Variants in CBLN4 observed in about 807,000 individuals in gnomAD.
CBLN4 encodes the protein cerebellin 4 precursor.
CBLN4 carries 7 observed loss-of-function variants against 14.9 expected under a neutral mutation model. The observed-to-expected ratio is 0.47, with a 90% CI of 0.27 to 0.88. CBLN4 has a LOEUF of 0.88. CBLN4 is among the 40% of genes least tolerant of loss of function. The pLI, the probability that CBLN4 is intolerant of heterozygous loss-of-function variation, is 0.14. For synonymous variants in CBLN4, 131 were observed against 116.5 expected (o/e 1.12, Z -0.80); for missense variants, 188 against 256.8 (o/e 0.73, Z 1.83).
intron 1 of CBLN4, 137 bp downstream of exon 1, chr20:56,003,744 G>A (rs1366318510): frequency 4.6e-6 from 4 of 875,406 alleles, no homozygotes; most frequent in Non-Finnish European, 5.2e-6. Flanking sequence ...TTCAGACCCA[G>A]GCATATTTGG....
At chr20:55,999,120 C>T (rs559683399) in intron 2 of CBLN4, among the ~76,000 whole-genome samples, 72 of 152,242 alleles carry the variant, frequency 4.7e-4, no homozygotes, top group African/African-American at 1.6e-3. Context: ...TGTGGCTTCC[C>T]GGTACATTCG....
chr20:56,000,915 T>A (rs1462865706), intron 1 of CBLN4, 68 bp from the exon 2 acceptor site: 3 of 691,458 alleles, frequency 4.3e-6, no homozygotes, highest in Admixed American at 3.2e-5. Flanking sequence ...TGAATTTTCT[T>A]CCTCTCACTC....
rs1388374832 is a variant in CBLN4, at chr20:56,004,783, C to A, written c.-612G>T. ...CGCCTGGTCAAAAAAATCCCCCAAA[C>A]CTGGTGTCACCCAGAGGTAGGGAGG... is the stretch of plus-strand genomic sequence containing the variant. On this transcript the variant is annotated 5_prime_UTR_variant, in exon 1 of 3. Transcript: ENST00000064571. This position sits in a 1 kb window ranked among gnomAD's most constrained non-coding sequence, Gnocchi z 6.1. The A allele has an allele frequency of 6.6e-6, 1 of 152,458 alleles. No individual in the cohort carries two copies. The highest frequency in any genetic ancestry group is 2.4e-5 in the African/African-American group (1 of 41,470). 9.4% of individuals were successfully genotyped at this position (152,458 alleles called of 1,614,324 possible).
chr20:56,003,623 G>C (rs950476941), intron 1 of CBLN4, among the ~76,000 whole-genome samples: 1 of 152,148 alleles, frequency 6.6e-6, no homozygotes, highest in South Asian at 2.1e-4. Context: ...CTCGCTGCCG[G>C]GCTCTGGGCT....
In CBLN4 at chr20:56,001,864, A is replaced by T. The variant is rs568601493; in HGVS notation, c.292-1017T>A. ...GGGTAAGTCTCTTTCTATGAGAAAG[A>T]GGGATTGGGATGGAGGATGGATGTT... On this transcript the variant is annotated intron_variant, in intron 1 of 2. Coordinates refer to ENST00000064571, the MANE Select transcript of CBLN4 (RefSeq NM_080617.6). 2.6e-5 allele frequency among the ~76,000 whole-genome samples: 4 copies of T among 152,300 alleles called. No individual in the cohort carries two copies. In the South Asian group the frequency reaches 8.3e-4, roughly 32 times the overall value.
Position 56,000,758 on chromosome 20 carries a change from A to G in CBLN4, c.381T>C (p.Ile127=). 1.9e-6 allele frequency: 3 copies of G among 1,599,472 alleles called. No homozygotes were observed. The highest frequency in any genetic ancestry group is 2.6e-6 in the Non-Finnish European group (3 of 1,173,150). ...KGIYSFSFHV[I]KVYQSQTIQV... ...GGATAGTTTGGCTCTGGTAGACTTT[A>G]ATCACGTGAAAACTGAAACTGTAAA... is the stretch of plus-strand genomic sequence containing the variant. The change falls in exon 2 of 3, where the codon ATT becomes ATC. Residue 127 remains isoleucine, a synonymous_variant. Transcript: ENST00000064571.
rs2145960724 is a variant in CBLN4 at position 56,004,199 on chromosome 20, G to T, written c.-28C>A. 1.4e-6 allele frequency: 2 copies of T among 1,394,078 alleles called. No homozygotes were observed. The highest frequency in any genetic ancestry group is 6.7e-5 in the Admixed American group (2 of 29,902). 86.4% of individuals were successfully genotyped at this position (1,394,078 alleles called of 1,614,324 possible). A position where few individuals can be genotyped will look rare whatever the true frequency, so the allele number is the denominator to read the frequency against. On this transcript the variant is annotated 5_prime_UTR_variant, in exon 1 of 3. Coordinates refer to ENST00000064571, the MANE Select transcript of CBLN4 (RefSeq NM_080617.6). This position sits in a 1 kb window ranked among gnomAD's most constrained non-coding sequence, Gnocchi z 6.1. ...TGAGCCGTGTGGGCAGCCGCAGCCG[G>T]CTGGCGCTGGTGCTCGCCCGCGTCG...
chr20:55,997,699 GA>G lies in CBLN4; in HGVS notation c.*857del, dbSNP rs11439533. Reference sequence around the variant, plus strand: ...AGTTAATAAAGTGGTCATGTCTACGGAAAAAAAAAAAACCTTAGGTTTTTAA... The same window carrying G: ...AGTTAATAAAGTGGTCATGTCTACGGAAAAAAAAAAACCTTAGGTTTTTAA... On this transcript the variant is annotated 3_prime_UTR_variant, in exon 3 of 3. Coordinates refer to ENST00000064571, the MANE Select transcript of CBLN4 (RefSeq NM_080617.6). The G allele has an allele frequency of 5.2e-3, 744 of 143,340 alleles. 6 individuals are homozygous for G. The highest frequency in any genetic ancestry group is 0.011 in the East Asian group (52 of 4,898). The allele number at this position is 143,340 out of a possible 1,614,324, so 8.9% of individuals were successfully genotyped here.
rs1361425308 is a variant in CBLN4, at chr20:56,005,510, G to C, written c.-1339C>G. ...GGCCTGGCGAGCTCAGGGAAGCCTT[G>C]GGGCGGACCAGAGCCCGTGGGGGCG... On this transcript the variant is annotated 5_prime_UTR_variant, in exon 1 of 3. Transcript: ENST00000064571. The C allele has an allele frequency of 6.6e-6, 1 of 152,280 alleles. No individual in the cohort carries two copies. The highest frequency in any genetic ancestry group is 1.5e-5 in the Non-Finnish European group (1 of 68,124). The allele number at this position is 152,280 out of a possible 1,614,324, so 9.4% of individuals were successfully genotyped here. A position where few individuals can be genotyped will look rare whatever the true frequency, so the allele number is the denominator to read the frequency against.
Position 56,003,861 on chromosome 20 carries a change from C to A in CBLN4, c.291+20G>T. ...GGAGACCGCCCACCCCCTAGGTGCTCGCTTCCCCCCGGGTCTGACCTGATC... is the reference window on the plus strand; with the variant it reads ...GGAGACCGCCCACCCCCTAGGTGCTAGCTTCCCCCCGGGTCTGACCTGATC... On this transcript the variant is annotated intron_variant, in intron 1 of 2. Transcript: ENST00000064571. The A allele has an allele frequency of 2.5e-6, 4 of 1,575,792 alleles. No homozygotes were observed. The highest frequency in any genetic ancestry group is 1.2e-5 in the South Asian group (1 of 84,566).
rs1986312510 is a variant in CBLN4, at chr20:55,998,200, A to C, written c.*357T>G. ...TGAAGTCAGAACTTTAGAGTTTTCT[A>C]ATCCTTAGACCTGGTTGCCAGTCTT... On this transcript the variant is annotated 3_prime_UTR_variant, in exon 3 of 3. Coordinates refer to ENST00000064571, the MANE Select transcript of CBLN4 (RefSeq NM_080617.6). 2 of 236,652 alleles carry C rather than the reference A, an allele frequency of 8.5e-6. No homozygotes were observed. The highest frequency in any genetic ancestry group is 1.0e-4 in the Admixed American group (2 of 19,468). The allele number at this position is 236,652 out of a possible 1,614,324, so 14.7% of individuals were successfully genotyped here.
At chr20:55,998,874 T>C in intron 2 of CBLN4, 120 bp from the exon 3 acceptor site, 1 of 745,714 alleles carries the variant, frequency 1.3e-6, no homozygotes, top group Non-Finnish European at 2.2e-6. Flanking sequence ...TCAGGAAATA[T>C]ATTCCCTTCC....
At chr20:55,999,121 G>A (rs1020599343) in intron 2 of CBLN4, among the ~76,000 whole-genome samples, 11 of 152,028 alleles carry the variant, frequency 7.2e-5, no homozygotes, top group African/African-American at 1.9e-4. Context: ...GTGGCTTCCC[G>A]GTACATTCGT....
Position 56,004,137 on chromosome 20 carries a change from G to A in CBLN4, c.35C>T (p.Pro12Leu), listed in dbSNP as rs556761879. Residue 12 changes from proline (P) to leucine (L), a missense_variant, in exon 1 of 3, where the codon CCG becomes CTG. Pro to Leu is a moderately conservative substitution (Grantham distance 98, BLOSUM62 -3). Transcript: ENST00000064571. This position sits in a 1 kb window ranked among gnomAD's most constrained non-coding sequence, Gnocchi z 6.1. ...CAGCGTGAGGACCAGCAGCACGGCCGGCACCGCGGACAGCGCCCGGCGCCC... is the reference window on the plus strand; with the variant it reads ...CAGCGTGAGGACCAGCAGCACGGCCAGCACCGCGGACAGCGCCCGGCGCCC... ...GSGRRALSAV[P>L]AVLLVLTLPG... 4.4e-6 allele frequency: 7 copies of A among 1,574,704 alleles called. No homozygotes were observed. The South Asian group carries it at 6.8e-5, about 15-fold the overall frequency.
At chr20:55,998,893 T>G (rs1427689293) in intron 2 of CBLN4, 139 bp from the exon 3 acceptor site, 12 of 685,224 alleles carry the variant, frequency 1.8e-5, no homozygotes, top group Non-Finnish European at 2.9e-5. Flanking sequence ...CCTTTCAAAT[T>G]AGCCAATTGT....
At chr20:56,003,633 T>C (rs1001524554) in intron 1 of CBLN4, among the ~76,000 whole-genome samples, 3 of 152,000 alleles carry the variant, frequency 2.0e-5, no homozygotes, top group Non-Finnish European at 1.5e-5. Context: ...GGCTCTGGGC[T>C]CCCAAGCCTC....
chr20:55,998,677 C>G lies in CBLN4; in HGVS notation c.486G>C (p.Thr162=), dbSNP rs369524117. The G allele has an allele frequency of 4.3e-6, 7 of 1,614,016 alleles. No homozygotes were observed. The African/African-American group carries it at 9.3e-5, about 22-fold the overall frequency. The change falls in exon 3 of 3, where the codon ACG becomes ACC. Residue 162 remains threonine, a synonymous_variant. Coordinates refer to ENST00000064571, the MANE Select transcript of CBLN4 (RefSeq NM_080617.6). ...GDKDVTREAA[T]NGVLLYLDKE... is the part of the protein sequence containing the mutation. Reference sequence around the variant, plus strand: ...TATCTAGGTAGAGCAGGACACCATTCGTGGCAGCTTCACGAGTAACATCTT... The same window carrying G: ...TATCTAGGTAGAGCAGGACACCATTGGTGGCAGCTTCACGAGTAACATCTT...
chr20:56,003,386 T>C (rs569646260), intron 1 of CBLN4, among the ~76,000 whole-genome samples: 49 of 152,326 alleles, frequency 3.2e-4, no homozygotes. Flanking sequence ...GCCCGATCTC[T>C]GAAGAGTGTG....
chr20:56,000,463 T>C (rs1986350023), intron 2 of CBLN4, among the ~76,000 whole-genome samples: 1 of 152,232 alleles, frequency 6.6e-6, no homozygotes, highest in Non-Finnish European at 1.5e-5. Context: ...TGTCACTGAA[T>C]TTTTACTCAA....
Sources: allele counts gnomAD v4.1 joint callset (sites outside exome capture counted in the v4.1 genomes callset), GRCh38; gene constraint gnomAD v4.1.1; non-coding constraint Gnocchi (gnomAD v3.1); transcripts MANE v1.5; gene names NCBI Gene and HGNC (gene_info 2026-07-23, HGNC 2026-07-21).